The following KIRREL1 variants were observed in gnomAD, a reference collection of about 807,000 sequenced individuals.
The protein encoded by KIRREL1 is kirre like nephrin family adhesion molecule 1.
In KIRREL1, 25 loss-of-function variants were observed where a neutral mutation model predicts 83.3. That is an observed-to-expected ratio of 0.30 (90% CI 0.22 to 0.42). The LOEUF is 0.42. Ranked by LOEUF, KIRREL1 falls within the 10% of genes least tolerant of loss-of-function variation. KIRREL1 has a pLI of 1.00. For synonymous variants in KIRREL1, 388 were observed against 410.4 expected, an observed-to-expected ratio of 0.95 and a Z score of 0.66; for missense variants, 812 against 1,032.3, an observed-to-expected ratio of 0.79 and a Z score of 2.92.
chr1:158,028,666 A>T (rs1440673142), intron 1 of KIRREL1, among the ~76,000 whole-genome samples: 1 of 151,928 alleles, frequency 6.6e-6, no homozygotes, highest in Non-Finnish European at 1.5e-5. Context: ...TATTTTTTCT[A>T]TTTTTTTAAC....
chr1:158,086,876 C>G, intron 5 of KIRREL1, 130 bp downstream of exon 5: 1 of 809,732 alleles, frequency 1.2e-6, no homozygotes, highest in South Asian at 1.7e-5. Context: ...CGCTTGCCTT[C>G]TTCACATCTT....
Position 158,005,543 on chromosome 1 carries a change from C to CT in KIRREL1, c.52+11828dup, listed in dbSNP as rs35668813. Among the ~76,000 whole-genome samples the CT allele has an allele frequency of 8.4e-4, 123 of 146,444 alleles. 1 individual carries two copies. Among genetic ancestry groups the CT allele is most frequent in the East Asian group, 1.8e-3 (9 of 4,970 alleles). On this transcript the variant is annotated intron_variant, in intron 1 of 14. Transcript: ENST00000359209. ...TCCATATCGGAGCCAGTCATTTCCA[C>CT]TTTTTTTTTTTTTAATGAAAAAAGT...
At position 158,095,180 on chromosome 1, in the gene KIRREL1, C is replaced by A; in HGVS notation, c.*60C>A. ...AGAGGAGAAGGCTTTCACAGCTGTTCCCTGATATTCAGGGGCATTGCTCAT... is the reference window on the plus strand; with the variant it reads ...AGAGGAGAAGGCTTTCACAGCTGTTACCTGATATTCAGGGGCATTGCTCAT... On this transcript the variant is annotated 3_prime_UTR_variant, in exon 15 of 15. Transcript: ENST00000359209. 1 of 1,209,282 alleles carries A rather than the reference C, an allele frequency of 8.3e-7. No individual in the cohort carries two copies. The highest frequency in any genetic ancestry group is 1.2e-6 in the Non-Finnish European group (1 of 863,402). 74.9% of individuals were successfully genotyped at this position (1,209,282 alleles called of 1,614,324 possible). A position where few individuals can be genotyped will look rare whatever the true frequency, so the allele number is the denominator to read the frequency against.
intron 1 of KIRREL1, among the ~76,000 whole-genome samples, chr1:158,049,545 A>G (rs1350259072): frequency 6.6e-6 from 1 of 152,206 alleles, no homozygotes; most frequent in Non-Finnish European, 1.5e-5. Flanking sequence ...TCTGAAGTCA[A>G]TGGAGAGCCA....
chr1:157,999,091 C>G (rs1659285276), intron 1 of KIRREL1, among the ~76,000 whole-genome samples: 1 of 152,290 alleles, frequency 6.6e-6, no homozygotes, highest in East Asian at 1.9e-4. Flanking sequence ...TGTGGAAGGA[C>G]AGGAGGGAAG....
intron 6 of KIRREL1, 62 bp downstream of exon 6, chr1:158,087,922 G>C: frequency 6.2e-7 from 1 of 1,607,252 alleles, no homozygotes; most frequent in Non-Finnish European, 8.5e-7. Flanking sequence ...GGGGTTAGAG[G>C]CTGTACTGGG....
Position 157,994,069 on chromosome 1 carries a change from T to C in KIRREL1, c.52+341T>C, listed in dbSNP as rs567300536. Among the ~76,000 whole-genome samples the C allele has an allele frequency of 1.4e-4, 22 of 152,328 alleles. 1 individual carries two copies. The highest frequency in any genetic ancestry group is 5.3e-4 in the African/African-American group (22 of 41,586). The stretch of plus-strand genomic sequence containing the variant: ...GGCAGCCCTACCGACCCTCGCCCTC[T>C]GAGGCCGGGGTTCCGGACGCCTGAG... On this transcript the variant is annotated intron_variant, in intron 1 of 14. Transcript: ENST00000359209.
chr1:158,096,538 A>G lies in KIRREL1; in HGVS notation c.*1418A>G, dbSNP rs1282571189. ...TGTTAGGAGAGAGATGGGTGAGGGG[A>G]CCTGGAGAGGTAAGGGGCCTGGAAA... On this transcript the variant is annotated 3_prime_UTR_variant, in exon 15 of 15. Transcript: ENST00000359209. The G allele has an allele frequency of 4.4e-6, 2 of 456,594 alleles. No homozygotes were observed. The highest frequency in any genetic ancestry group is 4.0e-5 in the African/African-American group (2 of 50,066). The allele number at this position is 456,594 out of a possible 1,614,324, so 28.3% of individuals were successfully genotyped here. A position where few individuals can be genotyped will look rare whatever the true frequency, so the allele number is the denominator to read the frequency against.
intron 1 of KIRREL1, among the ~76,000 whole-genome samples, chr1:158,039,166 G>A (rs752270086): frequency 6.6e-6 from 1 of 152,136 alleles, no homozygotes; most frequent in African/African-American, 2.4e-5. Flanking sequence ...CCCAGGCCCA[G>A]CCTGCCTATG....
intron 1 of KIRREL1, among the ~76,000 whole-genome samples, chr1:158,037,314 G>A (rs1660504817): frequency 1.3e-5 from 2 of 152,128 alleles, no homozygotes; most frequent in South Asian, 4.1e-4. Flanking sequence ...CCAATATGGT[G>A]AAATCCTGTC....
At chr1:158,056,506 G>A (rs2101599366) in intron 1 of KIRREL1, among the ~76,000 whole-genome samples, 1 of 152,294 alleles carries the variant, frequency 6.6e-6, no homozygotes. Context: ...GGTCAGGTTG[G>A]CTGTCTTGCC....
In KIRREL1 at chr1:158,039,516, G is replaced by C. The variant is rs552393516; in HGVS notation, c.53-36597G>C. ...AGGCTGAGCGGGATGTGAGAGCTGG[G>C]CAAGCTGGGGTGACCAGAGCCGGGA... is the stretch of plus-strand genomic sequence containing the variant. On this transcript the variant is annotated intron_variant, in intron 1 of 14. Coordinates refer to ENST00000359209, the MANE Select transcript of KIRREL1 (RefSeq NM_018240.7). Among the ~76,000 whole-genome samples, 5 of 152,276 alleles carry C rather than the reference G, an allele frequency of 3.3e-5. No individual in the cohort carries two copies. The East Asian group carries it at 7.7e-4, about 24-fold the overall frequency.
chr1:158,087,367 C>G (rs1318002435), intron 5 of KIRREL1, among the ~76,000 whole-genome samples: 1 of 152,100 alleles, frequency 6.6e-6, no homozygotes, highest in Non-Finnish European at 1.5e-5. Context: ...GAGCATCTAG[C>G]ATGGAGTATT....
chr1:158,011,830 T>C (rs1455909262), intron 1 of KIRREL1, among the ~76,000 whole-genome samples: 2 of 152,124 alleles, frequency 1.3e-5, no homozygotes, highest in Non-Finnish European at 2.9e-5. Flanking sequence ...CACGAGGACG[T>C]AGTCACACGC....
At chr1:158,092,712 A>T (rs12075685) in intron 11 of KIRREL1, among the ~76,000 whole-genome samples, 79 of 152,228 alleles carry the variant, frequency 5.2e-4, no homozygotes, top group African/African-American at 1.9e-3. Context: ...TGGAGTAGAT[A>T]CAGTAACGTG....
chr1:158,051,412 G>C (rs141827509), intron 1 of KIRREL1, among the ~76,000 whole-genome samples: 2 of 152,280 alleles, frequency 1.3e-5, no homozygotes, highest in Non-Finnish European at 2.9e-5. Flanking sequence ...ACCTATAGAC[G>C]ACAGAAGTGG....
intron 1 of KIRREL1, among the ~76,000 whole-genome samples, chr1:158,054,556 T>C (rs1661000729): frequency 6.6e-6 from 1 of 152,150 alleles, no homozygotes; most frequent in Admixed American, 6.5e-5. Flanking sequence ...TCACACCATC[T>C]TGAGATTTGG....
intron 1 of KIRREL1, among the ~76,000 whole-genome samples, chr1:158,035,614 T>C (rs16839654): frequency 0.034 from 5,170 of 152,274 alleles, 276 homozygotes; most frequent in African/African-American, 0.11. Context: ...CCCTATGTTC[T>C]GGATGAGGTG....
At chr1:158,009,022 T>C (rs963121182) in intron 1 of KIRREL1, among the ~76,000 whole-genome samples, 40 of 152,218 alleles carry the variant, frequency 2.6e-4, no homozygotes, top group African/African-American at 9.6e-4. Flanking sequence ...ATCCCAGAGA[T>C]AAACAGAAAG....
Sources: gnomAD v4.1 joint callset for allele counts (sites outside exome capture counted in the v4.1 genomes callset) on GRCh38, gnomAD v4.1.1 for gene constraint, MANE v1.5 for transcripts, NCBI Gene and HGNC (gene_info 2026-07-23, HGNC 2026-07-21) for gene names.